The following SLC24A2 variants were observed in gnomAD, a reference collection of about 807,000 sequenced individuals.
SLC24A2 encodes solute carrier family 24 member 2.
Under a neutral mutation model 62.0 loss-of-function variants are expected in SLC24A2, and 36 were observed. The ratio of observed to expected loss-of-function variants is 0.58; its 90% CI spans 0.44 to 0.77. The LOEUF is 0.77. Ranked by LOEUF, SLC24A2 falls within the 30% of genes least tolerant of loss-of-function variation. SLC24A2 has a pLI of 0.00. For missense variants in SLC24A2, 846 were observed against 817.9 expected, an observed-to-expected ratio of 1.03 and a Z score of -0.42; for synonymous variants, 358 against 294.0, an observed-to-expected ratio of 1.22 and a Z score of -2.23.
chr9:20,000,957 C>A, the SLC24A2 span, among the ~76,000 whole-genome samples: 17 of 152,140 alleles, frequency 1.1e-4, no homozygotes, highest in Non-Finnish European at 2.2e-4. Flanking sequence ...GTCATCTGAC[C>A]CTAATGGATA....
intron 2 of SLC24A2, among the ~76,000 whole-genome samples, chr9:19,661,769 T>A (rs983005557): frequency 6.6e-5 from 10 of 152,324 alleles, no homozygotes; most frequent in Non-Finnish European, 1.0e-4. Context: ...AGATTAGGGA[T>A]CCCTCTGTTG....
chr9:20,283,359 G>A, the SLC24A2 span, among the ~76,000 whole-genome samples: 9 of 152,286 alleles, frequency 5.9e-5, no homozygotes, highest in Admixed American at 5.2e-4. Context: ...TCCCTGCATG[G>A]GGGTTGGAGG....
chr9:19,604,170 G>A (rs1471222152), intron 4 of SLC24A2, among the ~76,000 whole-genome samples: 7 of 152,168 alleles, frequency 4.6e-5, no homozygotes, highest in East Asian at 1.9e-4. Context: ...CTTTGGTACT[G>A]ACACCTATGA....
intron 2 of SLC24A2, among the ~76,000 whole-genome samples, chr9:19,689,020 T>G (rs1028760650): frequency 6.6e-6 from 1 of 152,180 alleles, no homozygotes; most frequent in Non-Finnish European, 1.5e-5. Flanking sequence ...AAAGTCCCTT[T>G]GCTGAGAGAA....
At chr9:20,019,155 A>AAGAAAGAAAGAAAGAG in the SLC24A2 span, among the ~76,000 whole-genome samples, 30 of 117,186 alleles carry the variant, frequency 2.6e-4, no homozygotes, top group East Asian at 4.5e-4. Flanking sequence ...GAAAGAAAGA[A>AAGAAAGAAAGAAAGAG]AGAGAGAGAG....
At chr9:20,230,771 C>A in the SLC24A2 span, among the ~76,000 whole-genome samples, 30 of 152,202 alleles carry the variant, frequency 2.0e-4, no homozygotes, top group African/African-American at 7.0e-4. Context: ...GCTTTTGTTG[C>A]CATTGCTTTT....
At chr9:19,874,494 G>A in the SLC24A2 span, among the ~76,000 whole-genome samples, 11 of 152,270 alleles carry the variant, frequency 7.2e-5, no homozygotes, top group South Asian at 2.3e-3. Flanking sequence ...GCAAGATAAG[G>A]AGGTTGCTGT....
the SLC24A2 span, among the ~76,000 whole-genome samples, chr9:19,883,059 T>C: frequency 6.6e-6 from 1 of 152,352 alleles, no homozygotes; most frequent in East Asian, 1.9e-4. Context: ...TTATTACAAA[T>C]ATTTGATTAA....
the SLC24A2 span, among the ~76,000 whole-genome samples, chr9:20,052,603 G>C: frequency 6.6e-6 from 1 of 151,944 alleles, no homozygotes; most frequent in African/African-American, 2.4e-5. Flanking sequence ...TCCTCCATTT[G>C]GATTTTGCTT....
the SLC24A2 span, among the ~76,000 whole-genome samples, chr9:20,066,420 G>A: frequency 6.6e-6 from 1 of 152,122 alleles, no homozygotes; most frequent in Non-Finnish European, 1.5e-5. Context: ...AATTAGAAAG[G>A]GGGGAAACGG....
chr9:20,122,840 T>C, the SLC24A2 span, among the ~76,000 whole-genome samples: 1 of 152,216 alleles, frequency 6.6e-6, no homozygotes, highest in Non-Finnish European at 1.5e-5. Flanking sequence ...TGTTGCAATT[T>C]TTCTTTTTTG....
At chr9:20,196,334 C>T in the SLC24A2 span, among the ~76,000 whole-genome samples, 2 of 152,196 alleles carry the variant, frequency 1.3e-5, no homozygotes, top group African/African-American at 4.8e-5. Context: ...TGCCCCGCAG[C>T]CCCCAAGGCT....
intron 2 of SLC24A2, among the ~76,000 whole-genome samples, chr9:19,655,473 C>A (rs1020198733): frequency 3.3e-5 from 5 of 152,110 alleles, no homozygotes; most frequent in Admixed American, 6.5e-5. Context: ...TTAAATTATG[C>A]CTAATGGTCT....
At chr9:20,280,640 G>C in the SLC24A2 span, among the ~76,000 whole-genome samples, 2 of 152,152 alleles carry the variant, frequency 1.3e-5, no homozygotes, top group African/African-American at 4.8e-5. Context: ...CCCTGTACTA[G>C]GTCAAATTGT....
At chr9:19,563,143 T>C (rs544596785) in intron 7 of SLC24A2, among the ~76,000 whole-genome samples, 10 of 150,464 alleles carry the variant, frequency 6.6e-5, no homozygotes, top group African/African-American at 2.2e-4. Context: ...GAAGAGTCTT[T>C]TGATATTCTT....
At chr9:19,659,031 C>T (rs1344316396) in intron 2 of SLC24A2, among the ~76,000 whole-genome samples, 2 of 152,136 alleles carry the variant, frequency 1.3e-5, no homozygotes, top group Admixed American at 1.3e-4. Context: ...ATCCTAACCC[C>T]CAGTACTTTA....
chr9:20,232,010 T>C, the SLC24A2 span, among the ~76,000 whole-genome samples: 1 of 152,238 alleles, frequency 6.6e-6, no homozygotes, highest in Non-Finnish European at 1.5e-5. Context: ...TTTTTGTCTT[T>C]GGTTCTGTTT....
At position 19,788,918 on chromosome 9, in the gene SLC24A2, G is replaced by GC; in HGVS notation, c.-188dup. On this transcript the variant is annotated 5_prime_UTR_variant, in exon 1 of 11. Coordinates refer to ENST00000341998, the MANE Select transcript of SLC24A2 (RefSeq NM_020344.4). ...GATGGGAGGACGCGCACACGGCGGG[G>GC]CCCCCGAGCGCGGCCCGCCGCTCCA... The GC allele has an allele frequency of 1.0e-6, 1 of 985,062 alleles. No individual in the cohort carries two copies. The highest frequency in any genetic ancestry group is 1.2e-6 in the Non-Finnish European group (1 of 829,636). 61.0% of individuals were successfully genotyped at this position (985,062 alleles called of 1,614,324 possible).
chr9:19,656,438 A>C (rs1300489907), intron 2 of SLC24A2, among the ~76,000 whole-genome samples: 1 of 152,116 alleles, frequency 6.6e-6, no homozygotes, highest in African/African-American at 2.4e-5. Context: ...GCCAGTCTAA[A>C]ACCCTTTATT....
Sources: allele counts gnomAD v4.1 joint callset (sites outside exome capture counted in the v4.1 genomes callset), GRCh38; gene constraint gnomAD v4.1.1; transcripts MANE v1.5; gene names NCBI Gene and HGNC (gene_info 2026-07-23, HGNC 2026-07-21).